The following GARIN2 variants were observed in gnomAD, a reference collection of about 807,000 sequenced individuals.
GARIN2 encodes Golgi-associated RAB2 interactor protein 2.
the GARIN2 span, chr14:67,225,401 G>T: frequency 1.9e-6 from 1 of 540,036 alleles, no homozygotes; most frequent in Non-Finnish European, 2.9e-6. Flanking sequence ...GGAATGAAAT[G>T]TTAGGGGTTT....
chr14:67,192,312 G>A, the GARIN2 span, among the ~76,000 whole-genome samples: 8 of 152,144 alleles, frequency 5.3e-5, no homozygotes, highest in South Asian at 4.1e-4. Context: ...GTGTTTCCAT[G>A]ATAGCCCATA....
chr14:67,208,563 A>G, the GARIN2 span: 1 of 1,113,800 alleles, frequency 9.0e-7, no homozygotes, highest in East Asian at 2.5e-5. Flanking sequence ...TCAGAGACAG[A>G]TGTAGTGTAA....
At chr14:67,212,419 C>T in the GARIN2 span, among the ~76,000 whole-genome samples, 6 of 151,274 alleles carry the variant, frequency 4.0e-5, no homozygotes, top group African/African-American at 1.5e-4. Flanking sequence ...AAAACCCTGT[C>T]TCTACAAAAA....
At chr14:67,223,998 A>G in the GARIN2 span, 2 of 983,562 alleles carry the variant, frequency 2.0e-6, no homozygotes, top group East Asian at 1.1e-4. Context: ...ACTGCTCCCC[A>G]TAGTAGTAAA....
the GARIN2 span, among the ~76,000 whole-genome samples, chr14:67,220,229 A>T: frequency 6.6e-6 from 1 of 152,164 alleles, no homozygotes; most frequent in African/African-American, 2.4e-5. Flanking sequence ...TGGGCTCAGG[A>T]GCTCAAGACC....
chr14:67,227,257 T>C, the GARIN2 span, among the ~76,000 whole-genome samples: 3 of 152,038 alleles, frequency 2.0e-5, no homozygotes, highest in African/African-American at 7.2e-5. Context: ...CTGGCCAATA[T>C]GGTGAAACCC....
At chr14:67,208,399 A>T in the GARIN2 span, 1 of 1,614,042 alleles carries the variant, frequency 6.2e-7, no homozygotes, top group Non-Finnish European at 8.5e-7. Context: ...AGACCTCTGA[A>T]GAAAAGATGC....
the GARIN2 span, among the ~76,000 whole-genome samples, chr14:67,195,610 C>T: frequency 6.6e-6 from 1 of 152,164 alleles, no homozygotes; most frequent in Admixed American, 6.6e-5. Context: ...TACTGCATCT[C>T]CTCAAATCTA....
the GARIN2 span, among the ~76,000 whole-genome samples, chr14:67,219,579 A>G: frequency 8.5e-5 from 13 of 152,238 alleles, no homozygotes; most frequent in South Asian, 4.1e-4. Flanking sequence ...AACATTAAAT[A>G]TTATAAGAAT....
At chr14:67,191,024 A>G in the GARIN2 span, among the ~76,000 whole-genome samples, 1 of 152,224 alleles carries the variant, frequency 6.6e-6, no homozygotes, top group Non-Finnish European at 1.5e-5. Flanking sequence ...ACCTGAGGTC[A>G]GGAGTTCAAG....
At chr14:67,207,899 G>C in the GARIN2 span, among the ~76,000 whole-genome samples, 2 of 152,176 alleles carry the variant, frequency 1.3e-5, no homozygotes, top group Admixed American at 1.3e-4. Flanking sequence ...TTCTTGTGCT[G>C]ACAATTCACA....
At chr14:67,214,467 G>A in the GARIN2 span, among the ~76,000 whole-genome samples, 2 of 152,186 alleles carry the variant, frequency 1.3e-5, no homozygotes, top group Admixed American at 6.5e-5. Flanking sequence ...TCAAAGATTA[G>A]ATAGTTGTAG....
the GARIN2 span, among the ~76,000 whole-genome samples, chr14:67,208,721 C>A: frequency 6.6e-5 from 10 of 151,926 alleles, no homozygotes; most frequent in Non-Finnish European, 1.5e-4. Context: ...GATGGTGAAA[C>A]CCTGTCTCTA....
chr14:67,200,048 G>A, the GARIN2 span: 2 of 936,984 alleles, frequency 2.1e-6, no homozygotes, highest in Non-Finnish European at 3.2e-6. Flanking sequence ...CCAGGCTCTG[G>A]GGGACAGCCA....
chr14:67,199,007 G>A, the GARIN2 span: 16 of 707,908 alleles, frequency 2.3e-5, no homozygotes, highest in South Asian at 2.4e-4. Context: ...GGGTGACAAG[G>A]GAGGACAACA....
At chr14:67,222,999 C>CTTTTT in the GARIN2 span, among the ~76,000 whole-genome samples, 2 of 124,808 alleles carry the variant, frequency 1.6e-5, no homozygotes, top group African/African-American at 3.1e-5. Flanking sequence ...TCCCATTGGG[C>CTTTTT]TTTTTTTTTT....
the GARIN2 span, among the ~76,000 whole-genome samples, chr14:67,193,619 A>C: frequency 6.8e-6 from 1 of 146,588 alleles, no homozygotes; most frequent in South Asian, 2.1e-4. Flanking sequence ...ATAGATAGAA[A>C]TATATCTATC....
chr14:67,204,631 C>T, the GARIN2 span: 1 of 1,613,860 alleles, frequency 6.2e-7, no homozygotes, highest in Non-Finnish European at 8.5e-7. Context: ...CTACTACTTA[C>T]AGCTCTGCAC....
the GARIN2 span, among the ~76,000 whole-genome samples, chr14:67,191,168 AG>A: frequency 6.6e-6 from 1 of 152,216 alleles, no homozygotes. Context: ...CAGGAGGTAG[AG>A]GTTGCAGTGA....
Sources: gnomAD v4.1 joint callset for allele counts (sites outside exome capture counted in the v4.1 genomes callset) on GRCh38, gnomAD v4.1.1 for gene constraint, MANE v1.5 for transcripts, NCBI Gene and HGNC (gene_info 2026-07-23, HGNC 2026-07-21) for gene names.